Variants in CNTN6 observed in about 807,000 individuals in gnomAD.
CNTN6 encodes contactin-6.
In CNTN6, 137 loss-of-function variants were observed where a neutral mutation model predicts 122.8. The ratio of observed to expected loss-of-function variants is 1.12; its 90% confidence interval spans 0.97 to 1.29. The LOEUF is 1.29. Among genes scored for constraint, CNTN6 ranks in the 50% most tolerant of loss-of-function variants. CNTN6 has a pLI of 0.00. For synonymous variants in CNTN6, 570 were observed against 426.0 expected (o/e 1.34, Z -4.16); for missense variants, 1,634 against 1,223.4 (o/e 1.34, Z -5.01).
chr3:1,260,384 A>G (rs1374480206), intron 4 of CNTN6, among the ~76,000 whole-genome samples: 2 of 152,046 alleles, frequency 1.3e-5, no homozygotes, highest in Non-Finnish European at 2.9e-5. Flanking sequence ...GAGTCTTAAT[A>G]TTTTATACCA....
chr3:1,353,470 G>T (rs74677592), intron 12 of CNTN6, among the ~76,000 whole-genome samples: 1,835 of 151,746 alleles, frequency 0.012, 41 homozygotes, highest in African/African-American at 0.042. Flanking sequence ...CTGGGGAAAT[G>T]TGACTGATAA....
intron 12 of CNTN6, among the ~76,000 whole-genome samples, chr3:1,370,561 A>G (rs966991543): frequency 1.3e-5 from 2 of 152,168 alleles, no homozygotes; most frequent in African/African-American, 4.8e-5. Context: ...TATAAAGTGC[A>G]TGCATCTGGT....
chr3:1,395,101 T>C (rs1694825139), intron 20 of CNTN6, among the ~76,000 whole-genome samples: 5 of 152,118 alleles, frequency 3.3e-5, no homozygotes, highest in Admixed American at 3.3e-4. Context: ...AGTGACCCTA[T>C]AAAAATAGCC....
chr3:1,248,949 G>C (rs1297041998), intron 4 of CNTN6, among the ~76,000 whole-genome samples: 1 of 152,110 alleles, frequency 6.6e-6, no homozygotes, highest in Admixed American at 6.5e-5. Flanking sequence ...ACTAATGCTT[G>C]TCAAATTTAA....
chr3:1,214,442 G>A (rs1246210189), intron 2 of CNTN6, among the ~76,000 whole-genome samples: 2 of 150,140 alleles, frequency 1.3e-5, no homozygotes, highest in East Asian at 3.9e-4. Context: ...CCTAGTAGCT[G>A]GGATTACAGG....
At chr3:1,390,662 G>A (rs1693989591) in intron 20 of CNTN6, among the ~76,000 whole-genome samples, 1 of 152,070 alleles carries the variant, frequency 6.6e-6, no homozygotes, top group Non-Finnish European at 1.5e-5. Flanking sequence ...TAGACCGCTA[G>A]CAAGACTAAT....
chr3:1,283,643 A>G (rs1399272038), intron 5 of CNTN6, among the ~76,000 whole-genome samples: 5 of 151,038 alleles, frequency 3.3e-5, no homozygotes, highest in Non-Finnish European at 5.9e-5. Context: ...CCCCCCCTTC[A>G]CTATGTAGTA....
intron 3 of CNTN6, among the ~76,000 whole-genome samples, chr3:1,222,226 C>G (rs909263920): frequency 1.3e-5 from 2 of 152,126 alleles, no homozygotes; most frequent in African/African-American, 4.8e-5. Context: ...ATTTGGGACA[C>G]TCAATTCAGA....
At chr3:1,256,140 C>T (rs958600526) in intron 4 of CNTN6, among the ~76,000 whole-genome samples, 3 of 151,916 alleles carry the variant, frequency 2.0e-5, no homozygotes, top group Non-Finnish European at 2.9e-5. Flanking sequence ...TAAAGTGCTG[C>T]GATTACAGGC....
chr3:1,126,762 A>G (rs931112555), intron 1 of CNTN6, among the ~76,000 whole-genome samples: 2 of 151,896 alleles, frequency 1.3e-5, no homozygotes, highest in Admixed American at 6.6e-5. Context: ...GAGAAGAGAA[A>G]GTCATAATCT....
intron 7 of CNTN6, among the ~76,000 whole-genome samples, chr3:1,305,191 C>T (rs1040814619): frequency 6.6e-6 from 1 of 152,064 alleles, no homozygotes. Context: ...TAGCTTCTGT[C>T]ACGGATACCA....
intron 4 of CNTN6, among the ~76,000 whole-genome samples, chr3:1,229,168 G>A (rs1143982): frequency 6.6e-6 from 1 of 152,214 alleles, no homozygotes; most frequent in Non-Finnish European, 1.5e-5. Flanking sequence ...GTGGGAAAGG[G>A]CCAGTGGCTA....
chr3:1,124,308 T>A (rs1428881816), intron 1 of CNTN6, among the ~76,000 whole-genome samples: 3 of 151,866 alleles, frequency 2.0e-5, no homozygotes, highest in African/African-American at 7.2e-5. Context: ...CCTGCTACTA[T>A]TCTTGGTATA....
chr3:1,185,733 G>C (rs1191201667), intron 2 of CNTN6, among the ~76,000 whole-genome samples: 3 of 152,098 alleles, frequency 2.0e-5, no homozygotes. Flanking sequence ...TCCTTGCTGT[G>C]CCCCTCTGTA....
At chr3:1,275,716 A>G (rs1692219425) in intron 4 of CNTN6, among the ~76,000 whole-genome samples, 1 of 152,162 alleles carries the variant, frequency 6.6e-6, no homozygotes, top group African/African-American at 2.4e-5. Flanking sequence ...AGGTTATCAC[A>G]AGGAGTGTGC....
chr3:1,233,785 C>T (rs11920127), intron 4 of CNTN6, among the ~76,000 whole-genome samples: 21,605 of 147,110 alleles, frequency 0.15, 2,084 homozygotes, highest in African/African-American at 0.27. Context: ...CATACTATTT[C>T]CTTAAATATG....
Position 1,297,994 on chromosome 3 carries a change from A to G in CNTN6, c.761+3A>G. On this transcript the variant is annotated splice_donor_region_variant and intron_variant, in intron 7 of 22. Coordinates refer to ENST00000446702, the MANE Select transcript of CNTN6 (RefSeq NM_001289080.2). ...CTGGAATGTTTTGCCCTTGGAAAGT[A>G]AGGTTTTTGTTTTTGTTTTTGTTTT... 2 of 1,553,326 alleles carry G rather than the reference A, an allele frequency of 1.3e-6. No homozygotes were observed. The highest frequency in any genetic ancestry group is 1.7e-6 in the Non-Finnish European group (2 of 1,163,208).
At chr3:1,397,483 A>G (rs1695130247) in intron 20 of CNTN6, among the ~76,000 whole-genome samples, 1 of 152,138 alleles carries the variant, frequency 6.6e-6, no homozygotes, top group Non-Finnish European at 1.5e-5. Flanking sequence ...TTCATCTGCA[A>G]GTACCAAAGC....
intron 2 of CNTN6, among the ~76,000 whole-genome samples, chr3:1,188,041 T>C (rs1393765273): frequency 6.6e-6 from 1 of 152,168 alleles, no homozygotes; most frequent in Non-Finnish European, 1.5e-5. Flanking sequence ...CTCTTTTTTT[T>C]CTATTTAAAT....
Sources: gnomAD v4.1 joint callset for allele counts (sites outside exome capture counted in the v4.1 genomes callset) on GRCh38, gnomAD v4.1.1 for gene constraint, MANE v1.5 for transcripts, NCBI Gene and HGNC (gene_info 2026-07-23, HGNC 2026-07-21) for gene names.